Variants in ALG1 observed in about 807,000 individuals in gnomAD.
The protein encoded by ALG1 is chitobiosyldiphosphodolichol beta-mannosyltransferase.
Under a neutral mutation model 55.1 loss-of-function variants are expected in ALG1, and 58 were observed. The ratio of observed to expected loss-of-function variants is 1.05; its 90% CI spans 0.85 to 1.31. ALG1 has a LOEUF of 1.31. Ranked by LOEUF, ALG1 falls within the 50% of genes most tolerant of loss-of-function variation. The pLI is 0.00. For missense variants in ALG1, 761 were observed against 598.6 expected (o/e 1.27, Z -2.83); for synonymous variants, 309 against 247.0 (o/e 1.25, Z -2.35).
At chr16:5,078,210 C>T in intron 6 of ALG1, 193 bp downstream of exon 6, 2 of 749,414 alleles carry the variant, frequency 2.7e-6, no homozygotes, top group Non-Finnish European at 4.6e-6. Flanking sequence ...TCTACAGCCG[C>T]CTTTGAGCTG....
At chr16:5,081,999 A>G (rs1328473116) in intron 10 of ALG1, among the ~76,000 whole-genome samples, 20 of 151,616 alleles carry the variant, frequency 1.3e-4, no homozygotes, top group African/African-American at 4.6e-4. Flanking sequence ...CTGGAGTGCA[A>G]TGGTGTGATC....
chr16:5,072,857 C>A, intron 1 of ALG1, 94 bp from the exon 2 acceptor site: 1 of 1,207,100 alleles, frequency 8.3e-7, no homozygotes, highest in South Asian at 1.2e-5. Context: ...TCTTACTTTC[C>A]AAAACACTGT....
rs754568967 is a variant in ALG1, at chr16:5,082,613, C to T, written c.1127C>T (p.Pro376Leu). The T allele has an allele frequency of 5.0e-6, 8 of 1,611,878 alleles. No individual in the cohort carries two copies. The highest frequency in any genetic ancestry group is 1.1e-5 in the South Asian group (1 of 90,990). The part of the protein sequence containing the change: ...LHTSSSGLDL[P>L]MKVVDMFGCC... Reference sequence around the variant, plus strand: ...ACGTCCTCCAGTGGCCTGGACCTGCCCATGAAGGTGGTGGACATGTTCGGG... The same window carrying T: ...ACGTCCTCCAGTGGCCTGGACCTGCTCATGAAGGTGGTGGACATGTTCGGG... Residue 376 changes from proline (P) to leucine (L), a missense_variant, in exon 11 of 13, where the codon CCC becomes CTC. By Grantham distance (98) the Pro-to-Leu change is moderately conservative. Coordinates refer to ENST00000262374, the MANE Select transcript of ALG1 (RefSeq NM_019109.5).
chr16:5,078,189 C>T, intron 6 of ALG1, 172 bp downstream of exon 6: 1 of 812,330 alleles, frequency 1.2e-6, no homozygotes, highest in Admixed American at 2.0e-5. Flanking sequence ...CACTCATTGC[C>T]TTCTGAGTTG....
In ALG1 at chr16:5,084,803, G is replaced by C; in HGVS notation, c.1317G>C (p.Lys439Asn). ...DPAGKLNQFR[K>N]NLRESQQLRW... ...CGGGCAAGCTAAACCAGTTCCGGAA[G>C]AACCTGCGGGAGTCGCAGCAGCTCC... The change falls in exon 13 of 13, where the codon AAG (lysine) becomes AAC (asparagine). Residue 439 changes from lysine (K) to asparagine (N), a missense_variant. Coordinates refer to ENST00000262374, the MANE Select transcript of ALG1 (RefSeq NM_019109.5). 6.3e-7 allele frequency: 1 copy of C among 1,596,478 alleles called. No homozygotes were observed. Among genetic ancestry groups the C allele is most frequent in the Non-Finnish European group, 8.5e-7 (1 of 1,179,778 alleles).
chr16:5,073,994 C>A (rs991845032), intron 3 of ALG1, among the ~76,000 whole-genome samples: 1 of 152,212 alleles, frequency 6.6e-6, no homozygotes, highest in East Asian at 1.9e-4. Flanking sequence ...GGATTACAGG[C>A]GTGCGCCACC....
chr16:5,082,451 C>T, intron 10 of ALG1, 108 bp from the exon 11 acceptor site: 1 of 1,178,212 alleles, frequency 8.5e-7, no homozygotes, highest in Non-Finnish European at 1.2e-6. Context: ...CTGTTGGGGG[C>T]CTTATCTGAT....
chr16:5,083,516 T>C (rs1441834702), intron 11 of ALG1, among the ~76,000 whole-genome samples, 166 bp from the exon 12 acceptor site: 1 of 152,164 alleles, frequency 6.6e-6, no homozygotes, highest in Admixed American at 6.5e-5. Flanking sequence ...CAGGCCTTTA[T>C]ACCCTTCAGA....
intron 11 of ALG1, 108 bp from the exon 12 acceptor site, chr16:5,083,574 C>T (rs1957055579): frequency 1.1e-5 from 17 of 1,580,598 alleles, no homozygotes; most frequent in South Asian, 2.2e-5. Context: ...CCTGTTCCAA[C>T]CCCCAGCCTG....
At chr16:5,074,212 C>A (rs1345875962) in intron 3 of ALG1, among the ~76,000 whole-genome samples, 1 of 151,834 alleles carries the variant, frequency 6.6e-6, no homozygotes, top group Non-Finnish European at 1.5e-5. Flanking sequence ...GTGGTGCGAT[C>A]TTGGCTCACT....
Position 5,085,296 on chromosome 16 carries a change from G to C in ALG1, c.*415G>C. On this transcript the variant is annotated 3_prime_UTR_variant, in exon 13 of 13. Transcript: ENST00000262374. Reference sequence around the variant, plus strand: ...GGGATGTGGCAGCTGCAGTGGGCTTGGCTTTGTGAGGAACTGAGTGTGTCC... The same window carrying C: ...GGGATGTGGCAGCTGCAGTGGGCTTCGCTTTGTGAGGAACTGAGTGTGTCC... 2.0e-6 allele frequency: 1 copy of C among 488,202 alleles called. No individual in the cohort carries two copies. The highest frequency in any genetic ancestry group is 3.7e-6 in the Non-Finnish European group (1 of 267,404). The allele number at this position is 488,202 out of a possible 1,614,324, so 30.2% of individuals were successfully genotyped here.
At chr16:5,080,738 A>G (rs1194926689) in intron 9 of ALG1, among the ~76,000 whole-genome samples, 4 of 152,186 alleles carry the variant, frequency 2.6e-5, no homozygotes, top group African/African-American at 4.8e-5. Flanking sequence ...GTGAAAGGCT[A>G]TGCGTCAGGG....
In ALG1 at chr16:5,072,969, A is replaced by C; in HGVS notation, c.227A>C (p.Glu76Ala). 6.2e-7 allele frequency: 1 copy of C among 1,614,204 alleles called. No homozygotes were observed. Among genetic ancestry groups the C allele is most frequent in the Non-Finnish European group, 8.5e-7 (1 of 1,180,042 alleles). ...TTTTCAGACTCCAAACCCCATGATG[A>C]GCTCTTGCAGAACAACAGAATTCAG... is the stretch of plus-strand genomic sequence containing the variant. ...LGFCNSKPHDELLQNNRIQIV... is the reference protein window; with the variant it reads ...LGFCNSKPHDALLQNNRIQIV... Residue 76 changes from glutamate (E) to alanine (A), a missense_variant, in exon 2 of 13, where the codon GAG becomes GCG. Transcript: ENST00000262374.
At chr16:5,074,970 A>T (rs1306579093) in intron 3 of ALG1, among the ~76,000 whole-genome samples, 3 of 152,244 alleles carry the variant, frequency 2.0e-5, no homozygotes, top group Admixed American at 2.0e-4. Flanking sequence ...TGGCACAATC[A>T]TAGCTTAACT....
chr16:5,075,615 T>C, intron 4 of ALG1, 79 bp downstream of exon 4: 2 of 1,579,266 alleles, frequency 1.3e-6, no homozygotes, highest in Non-Finnish European at 8.6e-7. Flanking sequence ...ATAGTGGGCC[T>C]CCGGAAGTCG....
In ALG1 at chr16:5,085,156, G is replaced by C; in HGVS notation, c.*275G>C. 1.6e-6 allele frequency: 1 copy of C among 612,648 alleles called. No homozygotes were observed. Among genetic ancestry groups the C allele is most frequent in the South Asian group, 2.0e-5 (1 of 49,768 alleles). 38.0% of individuals were successfully genotyped at this position (612,648 alleles called of 1,614,324 possible). A position where few individuals can be genotyped will look rare whatever the true frequency, so the allele number is the denominator to read the frequency against. ...CGTATTACTGTTCTGTGACTTCCCT[G>C]TGACCTCTGCAGAACTCCTCATCCT... On this transcript the variant is annotated 3_prime_UTR_variant, in exon 13 of 13. Transcript: ENST00000262374.
rs1957007543 is a variant in ALG1, at chr16:5,080,981, A to G, written c.997A>G (p.Ile333Val). The G allele has an allele frequency of 1.6e-5, 25 of 1,596,380 alleles. No individual in the cohort carries two copies. Among genetic ancestry groups the G allele is most frequent in the Non-Finnish European group, 1.9e-5 (23 of 1,179,756 alleles). The change falls in exon 10 of 13, where the codon ATC becomes GTC. Residue 333 changes from isoleucine (I) to valine (V), a missense_variant. Coordinates refer to ENST00000262374, the MANE Select transcript of ALG1 (RefSeq NM_019109.5). ...TCTGAGGGAGTATTATAGCCGCCTC[A>G]TCCACCAGAAGCACTTCCAGCACAT... ...GPLREYYSRL[I>V]HQKHFQHIQV...
rs1053428509 is a variant in ALG1 at position 5,084,490 on chromosome 16, T to A, written c.1264-260T>A. ...CGAGAGGAGGGTGCTCACAGGGGAA[T>A]GGGCAGCACGTAGAGGCCGGGAGGT... On this transcript the variant is annotated intron_variant, in intron 12 of 12. Coordinates refer to ENST00000262374, the MANE Select transcript of ALG1 (RefSeq NM_019109.5). 4.8e-5 allele frequency: 29 copies of A among 609,052 alleles called. 1 individual carries two copies. The Middle Eastern group carries it at 1.8e-3, about 37-fold the overall frequency. 37.7% of individuals were successfully genotyped at this position (609,052 alleles called of 1,614,324 possible).
intron 12 of ALG1, 123 bp from the exon 13 acceptor site, chr16:5,084,627 T>A (rs1957084081): frequency 6.8e-7 from 1 of 1,472,790 alleles, no homozygotes. Flanking sequence ...CGAGTCCAAG[T>A]GAGGGAGTTA....
Sources: allele counts gnomAD v4.1 joint callset (sites outside exome capture counted in the v4.1 genomes callset), GRCh38; gene constraint gnomAD v4.1.1; transcripts MANE v1.5; gene names NCBI Gene and HGNC (gene_info 2026-07-23, HGNC 2026-07-21).